CNTN5: variants seen among roughly 807,000 people sequenced by gnomAD.
CNTN5 encodes the protein contactin-5.
In CNTN5, 77 loss-of-function variants were observed where a neutral mutation model predicts 129.1. That is an observed-to-expected ratio of 0.60 (90% CI 0.50 to 0.72). CNTN5 has a LOEUF of 0.72. Among genes scored for constraint, CNTN5 ranks in the 30% least tolerant of loss-of-function variants. The pLI is 0.00. For synonymous variants in CNTN5, 509 were observed against 465.6 expected (o/e 1.09, Z -1.20); for missense variants, 1,478 against 1,328.8 (o/e 1.11, Z -1.75).
At chr11:99,320,800 A>T (rs1184668814) in intron 1 of CNTN5, among the ~76,000 whole-genome samples, 1 of 152,196 alleles carries the variant, frequency 6.6e-6, no homozygotes, top group East Asian at 1.9e-4. Context: ...TGCCTGGGCC[A>T]TGGGCTCCCC....
chr11:99,090,455 TAATC>T (rs1424150937), intron 1 of CNTN5, among the ~76,000 whole-genome samples: 3 of 152,206 alleles, frequency 2.0e-5, no homozygotes, highest in Middle Eastern at 3.2e-3. Flanking sequence ...TATTGATTAT[TAATC>T]AATTTCAGCC....
chr11:99,935,463 G>T (rs1423779016), intron 7 of CNTN5, among the ~76,000 whole-genome samples: 1 of 151,748 alleles, frequency 6.6e-6, no homozygotes, highest in South Asian at 2.1e-4. Context: ...ATTCCAGAAA[G>T]ATTATTTAAT....
intron 3 of CNTN5, among the ~76,000 whole-genome samples, chr11:99,649,994 A>T (rs1161851860): frequency 6.6e-6 from 1 of 151,768 alleles, no homozygotes; most frequent in Non-Finnish European, 1.5e-5. Flanking sequence ...TCACATCAAT[A>T]AGAGTTGTAA....
At chr11:100,021,964 C>A (rs1364843612) in intron 9 of CNTN5, among the ~76,000 whole-genome samples, 2 of 152,180 alleles carry the variant, frequency 1.3e-5, no homozygotes, top group South Asian at 2.1e-4. Context: ...AGCAAGACAG[C>A]TTTTTCTTCT....
At chr11:99,336,915 C>T (rs550563846) in intron 2 of CNTN5, among the ~76,000 whole-genome samples, 1 of 151,926 alleles carries the variant, frequency 6.6e-6, no homozygotes, top group African/African-American at 2.4e-5. Context: ...CATGACAATT[C>T]ACAATAGTAA....
chr11:99,397,709 C>A (rs1448650991), intron 2 of CNTN5, among the ~76,000 whole-genome samples: 1 of 151,284 alleles, frequency 6.6e-6, no homozygotes, highest in Non-Finnish European at 1.5e-5. Flanking sequence ...GTTTGTAGAC[C>A]ACTTCCTTTT....
chr11:99,818,333 A>G (rs1001339853), intron 3 of CNTN5, among the ~76,000 whole-genome samples: 2 of 151,506 alleles, frequency 1.3e-5, no homozygotes, highest in African/African-American at 4.9e-5. Context: ...GCAGCTCACT[A>G]CAGCCTAAAC....
At chr11:99,764,886 G>T (rs893740820) in intron 3 of CNTN5, among the ~76,000 whole-genome samples, 3 of 152,004 alleles carry the variant, frequency 2.0e-5, no homozygotes, top group Admixed American at 1.3e-4. Flanking sequence ...GTCTGGGCCA[G>T]TGTTTCCTAA....
At chr11:100,318,310 C>A (rs1951611183) in intron 21 of CNTN5, among the ~76,000 whole-genome samples, 2 of 151,212 alleles carry the variant, frequency 1.3e-5, no homozygotes, top group African/African-American at 2.4e-5. Flanking sequence ...TTTATTGCAC[C>A]ACCTCTAAAC....
Position 100,214,708 on chromosome 11 carries a change from C to T in CNTN5, c.1885-9984C>T, listed in dbSNP as rs185892192. Among the ~76,000 whole-genome samples, 408 of 152,234 alleles carry T rather than the reference C, an allele frequency of 2.7e-3. 3 individuals carry two copies. Among genetic ancestry groups the T allele is most frequent in the African/African-American group, 9.1e-3 (380 of 41,544 alleles). ...CTTCCAACCTTTGCACACCTAACCCCGAAGCCAACGTCAAGTGTTTTGGCT... is the reference window on the plus strand; with the variant it reads ...CTTCCAACCTTTGCACACCTAACCCTGAAGCCAACGTCAAGTGTTTTGGCT... On this transcript the variant is annotated intron_variant, in intron 15 of 24. Coordinates refer to ENST00000524871, the MANE Select transcript of CNTN5 (RefSeq NM_014361.4).
chr11:99,850,347 TATC>T (rs1275394223), intron 6 of CNTN5, among the ~76,000 whole-genome samples: 30 of 152,312 alleles, frequency 2.0e-4, no homozygotes, highest in African/African-American at 6.3e-4. Context: ...CAAAAGCTGA[TATC>T]ATCATAGGTC....
chr11:100,108,823 G>A (rs971588312), intron 13 of CNTN5, among the ~76,000 whole-genome samples: 1 of 151,896 alleles, frequency 6.6e-6, no homozygotes, highest in Admixed American at 6.6e-5. Context: ...ACTGTATCTA[G>A]TATATATCAA....
intron 1 of CNTN5, among the ~76,000 whole-genome samples, chr11:99,312,004 A>G (rs1865134398): frequency 6.6e-6 from 1 of 152,134 alleles, no homozygotes; most frequent in Non-Finnish European, 1.5e-5. Context: ...TGTTTTGTTG[A>G]CTGCTACTGC....
chr11:99,956,269 T>C (rs914592610), intron 7 of CNTN5, among the ~76,000 whole-genome samples: 2 of 152,140 alleles, frequency 1.3e-5, no homozygotes, highest in African/African-American at 4.8e-5. Flanking sequence ...AAAGTCCCAA[T>C]GAACTTAAAC....
At chr11:99,356,530 A>G (rs1938683076) in intron 2 of CNTN5, among the ~76,000 whole-genome samples, 1 of 152,174 alleles carries the variant, frequency 6.6e-6, no homozygotes, top group East Asian at 1.9e-4. Flanking sequence ...AACATCATCA[A>G]CAAACACTTT....
chr11:99,496,136 C>CATGCTT (rs1308599506), intron 2 of CNTN5, among the ~76,000 whole-genome samples: 1 of 152,138 alleles, frequency 6.6e-6, no homozygotes, highest in Non-Finnish European at 1.5e-5. Flanking sequence ...ATTCTTTATA[C>CATGCTT]ATGCTTATTA....
At chr11:100,199,941 G>A (rs978229351) in intron 15 of CNTN5, among the ~76,000 whole-genome samples, 5 of 151,884 alleles carry the variant, frequency 3.3e-5, no homozygotes, top group Admixed American at 1.3e-4. Context: ...GATATAAAGC[G>A]TTTTCTCTGC....
intron 1 of CNTN5, among the ~76,000 whole-genome samples, chr11:99,318,053 T>C (rs1865419069): frequency 6.6e-6 from 1 of 152,208 alleles, no homozygotes; most frequent in South Asian, 2.1e-4. Context: ...TTTAATGACA[T>C]TTCAAACGTT....
At chr11:99,587,501 A>C (rs1003821620) in intron 3 of CNTN5, among the ~76,000 whole-genome samples, 1 of 152,156 alleles carries the variant, frequency 6.6e-6, no homozygotes, top group African/African-American at 2.4e-5. Flanking sequence ...AAAAACCTAC[A>C]GTTTGATGCT....
Sources: gnomAD v4.1 joint callset for allele counts (sites outside exome capture counted in the v4.1 genomes callset) on GRCh38, gnomAD v4.1.1 for gene constraint, MANE v1.5 for transcripts, NCBI Gene and HGNC (gene_info 2026-07-23, HGNC 2026-07-21) for gene names.